PTPRU: variants seen among roughly 807,000 people sequenced by gnomAD.
The protein encoded by PTPRU is receptor-type tyrosine-protein phosphatase U.
In PTPRU, 69 loss-of-function variants were observed where a neutral mutation model predicts 166.3. The ratio of observed to expected loss-of-function variants is 0.41; its 90% CI spans 0.34 to 0.51. The LOEUF (loss-of-function observed/expected upper bound fraction) is 0.51, where lower values mean the gene tolerates loss of function less well. Among genes scored for constraint, PTPRU ranks in the 20% least tolerant of loss-of-function variants. PTPRU has a pLI of 0.09. For missense variants in PTPRU, 1,657 were observed against 2,013.7 expected (o/e 0.82, Z 3.39); for synonymous variants, 793 against 814.0 (o/e 0.97, Z 0.44).
intron 7 of PTPRU, among the ~76,000 whole-genome samples, chr1:29,273,256 C>T (rs577322466): frequency 6.6e-6 from 1 of 152,068 alleles, no homozygotes; most frequent in South Asian, 2.1e-4. Flanking sequence ...GCTTCAGAAG[C>T]CTTGACTTTT....
In PTPRU at chr1:29,316,064, C is replaced by A. The variant is rs1163959996; in HGVS notation, c.3426C>A (p.Ile1142=). The change falls in exon 24 of 30, where the codon ATC becomes ATA. Residue 1142 remains isoleucine, a synonymous_variant. Transcript: ENST00000373779. ...LEACLCGETT[I]PVSEFKATYK... Reference sequence around the variant, plus strand: ...CCTGCCTGTGTGGGGAGACCACCATCCCTGTCAGTGAGTTCAAGGCCACCT... The same window carrying A: ...CCTGCCTGTGTGGGGAGACCACCATACCTGTCAGTGAGTTCAAGGCCACCT... 2 of 1,614,086 alleles carry A rather than the reference C, an allele frequency of 1.2e-6. No individual in the cohort carries two copies. The highest frequency in any genetic ancestry group is 4.5e-5 in the East Asian group (2 of 44,878).
Position 29,312,706 on chromosome 1 carries a change from G to C in PTPRU, c.3227G>C (p.Ser1076Thr). 2 of 1,600,274 alleles carry C rather than the reference G, an allele frequency of 1.2e-6. No homozygotes were observed. Among genetic ancestry groups the C allele is most frequent in the Non-Finnish European group, 1.7e-6 (2 of 1,169,632 alleles). ...GCCGGGCCCATTGTCATCCACTGCAGGTGGGGGCACCGGGAATCCCAAGGA... is the reference window on the plus strand; with the variant it reads ...GCCGGGCCCATTGTCATCCACTGCACGTGGGGGCACCGGGAATCCCAAGGA... Reference protein sequence around the residue: ...PDAGPIVIHCSAGTGRTGCYI... With the variant: ...PDAGPIVIHCTAGTGRTGCYI... Residue 1076 changes from serine (S) to threonine (T), a missense_variant and splice_region_variant, in exon 22 of 30, where the codon AGC becomes ACC. By Grantham distance (58) the Ser-to-Thr change is moderately conservative. This residue lies in a region of PTPRU where 1,190 missense variants were observed against 1,477.4 expected (regional missense o/e 0.81). Coordinates refer to ENST00000373779, the MANE Select transcript of PTPRU (RefSeq NM_133178.4).
At position 29,291,724 on chromosome 1, in the gene PTPRU, A is replaced by G. The variant is rs1247326944; in HGVS notation, c.2319-145A>G. The G allele has an allele frequency of 2.3e-6, 2 of 851,294 alleles. No individual in the cohort carries two copies. Among genetic ancestry groups the G allele is most frequent in the Non-Finnish European group, 3.7e-6 (2 of 547,114 alleles). The allele number at this position is 851,294 out of a possible 1,614,324, so 52.7% of individuals were successfully genotyped here. ...GGTCTAATGAGTGAAGGATGGGGGCAGAGCCCTCAGCATCCAGAGATGCTT... is the reference window on the plus strand; with the variant it reads ...GGTCTAATGAGTGAAGGATGGGGGCGGAGCCCTCAGCATCCAGAGATGCTT... On this transcript the variant is annotated intron_variant, in intron 14 of 29. Coordinates refer to ENST00000373779, the MANE Select transcript of PTPRU (RefSeq NM_133178.4). This position sits in a 1 kb window ranked among gnomAD's most constrained non-coding sequence, Gnocchi z 4.1.
intron 26 of PTPRU, among the ~76,000 whole-genome samples, chr1:29,323,067 G>A (rs868000076): frequency 6.6e-6 from 1 of 152,234 alleles, no homozygotes; most frequent in Non-Finnish European, 1.5e-5. Context: ...ATGTAGGAGC[G>A]TGTGAACCGG....
intron 26 of PTPRU, among the ~76,000 whole-genome samples, chr1:29,321,153 A>G (rs559066311): frequency 2.7e-5 from 4 of 149,688 alleles, no homozygotes; most frequent in South Asian, 2.1e-4. Context: ...ACCTCAGCCT[A>G]TCGAGTAGCT....
rs747894591 is a variant in PTPRU at position 29,305,630 on chromosome 1, G to T, written c.2820+202G>T. 7 of 754,078 alleles carry T rather than the reference G, an allele frequency of 9.3e-6. No homozygotes were observed. In the African/African-American group the frequency reaches 1.0e-4, roughly 11 times the overall value. The allele number at this position is 754,078 out of a possible 1,614,324, so 46.7% of individuals were successfully genotyped here. A position where few individuals can be genotyped will look rare whatever the true frequency, so the allele number is the denominator to read the frequency against. On this transcript the variant is annotated intron_variant, in intron 18 of 29. Transcript: ENST00000373779. ...CTTCTGGAAGGCTTTCTGTAGGTGG[G>T]AGTTGGCCTGAGAGATGAGGTGCTT...
chr1:29,321,573 A>G (rs923667208), intron 26 of PTPRU, among the ~76,000 whole-genome samples: 1 of 152,170 alleles, frequency 6.6e-6, no homozygotes, highest in African/African-American at 2.4e-5. Context: ...TAAAGCGCCC[A>G]TCATGGGGGC....
intron 1 of PTPRU, among the ~76,000 whole-genome samples, chr1:29,241,227 G>A (rs1469733370): frequency 6.6e-6 from 1 of 152,134 alleles, no homozygotes. Flanking sequence ...TGGGTGCAGA[G>A]CTATTTGGAT....
Position 29,260,156 on chromosome 1 carries a change from T to A in PTPRU, c.850+112T>A. ...GCCGTGGGGGGTGGGGCCGGCAGGG[T>A]GTCGCTGGGGCGCTATCTGAAGATG... is the stretch of plus-strand genomic sequence containing the variant. On this transcript the variant is annotated intron_variant, in intron 6 of 29. Coordinates refer to ENST00000373779, the MANE Select transcript of PTPRU (RefSeq NM_133178.4). This position sits in a 1 kb window ranked among gnomAD's most constrained non-coding sequence, Gnocchi z 8.3. 2 of 1,168,200 alleles carry A rather than the reference T, an allele frequency of 1.7e-6. No individual in the cohort carries two copies. The highest frequency in any genetic ancestry group is 2.2e-6 in the Non-Finnish European group (2 of 902,608). 72.4% of individuals were successfully genotyped at this position (1,168,200 alleles called of 1,614,324 possible).
intron 17 of PTPRU, among the ~76,000 whole-genome samples, chr1:29,305,125 GC>G (rs1687326733): frequency 6.6e-6 from 1 of 152,190 alleles, no homozygotes; most frequent in South Asian, 2.1e-4. Flanking sequence ...GCCAGTAATT[GC>G]CTGAGCAGCA....
chr1:29,303,967 G>C lies in PTPRU; in HGVS notation c.2589G>C (p.Ala863=). The change falls in exon 16 of 30, where the codon GCG becomes GCC. Residue 863 remains alanine (A), a synonymous_variant. Transcript: ENST00000373779. ...ACCACACGGGGCAGCTGCACCCTGC[G>C]GTGCGTGTCGCAGACCTTCTGCAGC... ...SPYHTGQLHP[A]VRVADLLQHI... is the part of the protein sequence containing the mutation. 1 of 1,613,824 alleles carries C rather than the reference G, an allele frequency of 6.2e-7. No individual in the cohort carries two copies. The highest frequency in any genetic ancestry group is 8.5e-7 in the Non-Finnish European group (1 of 1,179,854).
intron 1 of PTPRU, among the ~76,000 whole-genome samples, chr1:29,247,035 C>T (rs1402281696): frequency 6.6e-6 from 1 of 152,222 alleles, no homozygotes; most frequent in Non-Finnish European, 1.5e-5. Flanking sequence ...TGGGTTGCCG[C>T]ACCCTGCAGT....
chr1:29,266,911 C>T (rs1205952249), intron 7 of PTPRU, among the ~76,000 whole-genome samples: 1 of 151,746 alleles, frequency 6.6e-6, no homozygotes, highest in African/African-American at 2.4e-5. Context: ...TTTTTTTTCA[C>T]TCACACGTGC....
chr1:29,311,729 G>C lies in PTPRU; in HGVS notation c.3042G>C (p.Glu1014Asp). ...IMLVKTETLA[E>D]YVVRTFALER... ...TGGTGAAGACAGAGACCCTGGCTGAGTATGTCGTGCGCACTTTTGCCCTGG... is the reference window on the plus strand; with the variant it reads ...TGGTGAAGACAGAGACCCTGGCTGACTATGTCGTGCGCACTTTTGCCCTGG... The change falls in exon 21 of 30, where the codon GAG (glutamate) becomes GAC (aspartate). Residue 1014 changes from glutamate to aspartate, a missense_variant. By Grantham distance (45) the Glu-to-Asp change is conservative. Around this residue, in one of 3 missense-constraint regions of PTPRU, gnomAD observed 1,190 missense variants for 1,477.4 expected, o/e 0.81. Transcript: ENST00000373779. The surrounding 1 kb of genome is among the most constrained non-coding windows in gnomAD (Gnocchi z 4.1). The C allele has an allele frequency of 6.2e-7, 1 of 1,614,208 alleles. No homozygotes were observed. The highest frequency in any genetic ancestry group is 8.5e-7 in the Non-Finnish European group (1 of 1,180,012).
At chr1:29,256,528 A>G (rs1684779018) in intron 2 of PTPRU, among the ~76,000 whole-genome samples, 1 of 152,168 alleles carries the variant, frequency 6.6e-6, no homozygotes, top group Non-Finnish European at 1.5e-5. Flanking sequence ...ACTTGAAGCC[A>G]CTAGGAGAGA....
At chr1:29,272,212 G>A (rs1181779729) in intron 7 of PTPRU, among the ~76,000 whole-genome samples, 2 of 152,248 alleles carry the variant, frequency 1.3e-5, no homozygotes, top group African/African-American at 4.8e-5. Context: ...GGCCAGGAAT[G>A]GGAGAGAAAA....
intron 14 of PTPRU, among the ~76,000 whole-genome samples, chr1:29,288,235 G>A (rs1169284644): frequency 6.6e-6 from 1 of 152,186 alleles, no homozygotes; most frequent in African/African-American, 2.4e-5. Flanking sequence ...GGATTACAAT[G>A]TGTGGGGCCC....
chr1:29,248,814 T>G (rs1684410519), intron 1 of PTPRU, among the ~76,000 whole-genome samples: 2 of 152,058 alleles, frequency 1.3e-5, no homozygotes, highest in Non-Finnish European at 2.9e-5. Context: ...GCCCTGTACC[T>G]TTGCTTGTAA....
intron 1 of PTPRU, among the ~76,000 whole-genome samples, chr1:29,241,570 A>ATTT: frequency 7.1e-6 from 1 of 140,710 alleles, no homozygotes; most frequent in Non-Finnish European, 1.6e-5. Context: ...CCATGTGTCT[A>ATTT]TTTTTTTTTT....
Sources: allele counts gnomAD v4.1 joint callset (sites outside exome capture counted in the v4.1 genomes callset), GRCh38; gene constraint gnomAD v4.1.1; regional missense constraint gnomAD v4.1.1; non-coding constraint Gnocchi (gnomAD v3.1); transcripts MANE v1.5; gene names NCBI Gene and HGNC (gene_info 2026-07-23, HGNC 2026-07-21).